BCAS3: variants seen among roughly 807,000 people sequenced by gnomAD.
BCAS3 encodes the protein BCAS3 microtubule associated cell migration factor, also known as BCAS4/BCAS3 fusion.
Under a neutral mutation model 116.1 loss-of-function variants are expected in BCAS3, and 53 were observed. The observed-to-expected ratio is 0.46, with a 90% CI of 0.37 to 0.57. The LOEUF is 0.57. Among genes scored for constraint, BCAS3 ranks in the 20% least tolerant of loss-of-function variants. The pLI, the probability that BCAS3 is intolerant of heterozygous loss-of-function variation, is 0.00. For missense variants in BCAS3, 917 were observed against 1,165.4 expected (o/e 0.79, Z 3.10); for synonymous variants, 391 against 408.2 (o/e 0.96, Z 0.51).
chr17:60,730,980 T>G (rs2040399902), intron 5 of BCAS3, among the ~76,000 whole-genome samples: 1 of 152,208 alleles, frequency 6.6e-6, no homozygotes, highest in African/African-American at 2.4e-5. Flanking sequence ...TTTTGTTGCT[T>G]CTTAACCGAA....
chr17:61,229,693 T>C lies in BCAS3; in HGVS notation c.2426-138634T>C, dbSNP rs2082557243. On this transcript the variant is annotated intron_variant, in intron 22 of 23. Transcript: ENST00000407086. This position sits in a 1 kb window ranked among gnomAD's most constrained non-coding sequence, Gnocchi z 4.4. ...ACGTTCATGAGCCACATTCTTGTGC[T>C]TCTCCATTTACATAGCTCTAATAGT... Among the ~76,000 whole-genome samples the C allele has an allele frequency of 6.6e-6, 1 of 152,234 alleles. No homozygotes were observed. Among genetic ancestry groups the C allele is most frequent in the Non-Finnish European group, 1.5e-5 (1 of 68,040 alleles).
At chr17:61,289,280 G>A (rs540782510) in intron 22 of BCAS3, among the ~76,000 whole-genome samples, 1 of 152,338 alleles carries the variant, frequency 6.6e-6, no homozygotes, top group East Asian at 1.9e-4. Context: ...GTCACTCATG[G>A]AAAGGGGTCT....
chr17:61,334,761 G>A (rs562829159), intron 22 of BCAS3, among the ~76,000 whole-genome samples: 116 of 151,750 alleles, frequency 7.6e-4, no homozygotes, highest in African/African-American at 2.4e-3. Context: ...GGGCAAAGGA[G>A]CCACGACAAA....
chr17:61,024,958 C>T (rs533415180), intron 16 of BCAS3, among the ~76,000 whole-genome samples: 138 of 152,182 alleles, frequency 9.1e-4, no homozygotes, highest in Non-Finnish European at 1.5e-3. Flanking sequence ...CGACGTAAGC[C>T]TGGACATTCC....
chr17:60,996,528 A>G (rs2063848428), intron 15 of BCAS3, among the ~76,000 whole-genome samples: 1 of 152,134 alleles, frequency 6.6e-6, no homozygotes, highest in Non-Finnish European at 1.5e-5. Flanking sequence ...TTGTGGATAA[A>G]GCAGGTTTTG....
rs2143790020 is a variant in BCAS3, at chr17:61,118,233, C to G, written c.2425+33669C>G. Reference sequence around the variant, plus strand: ...GTAGAAGCCCAGGTTCCTTACCACACTACTGTTACCACCCAATCAGGTTAC... The same window carrying G: ...GTAGAAGCCCAGGTTCCTTACCACAGTACTGTTACCACCCAATCAGGTTAC... On this transcript the variant is annotated intron_variant, in intron 22 of 23. Coordinates refer to ENST00000407086, the MANE Select transcript of BCAS3 (RefSeq NM_017679.5). The surrounding 1 kb of genome is among the most constrained non-coding windows in gnomAD (Gnocchi z 5.0). Among the ~76,000 whole-genome samples, 1 of 152,298 alleles carries G rather than the reference C, an allele frequency of 6.6e-6. No homozygotes were observed. Among genetic ancestry groups the G allele is most frequent in the Admixed American group, 6.5e-5 (1 of 15,298 alleles).
intron 19 of BCAS3, chr17:61,070,239 G>A: frequency 1.3e-6 from 2 of 1,532,362 alleles, no homozygotes; most frequent in Non-Finnish European, 1.8e-6. Flanking sequence ...ATGTGGCCAA[G>A]GTCAACACCC....
At chr17:61,022,541 G>A (rs1347279576) in intron 16 of BCAS3, among the ~76,000 whole-genome samples, 1 of 152,132 alleles carries the variant, frequency 6.6e-6, no homozygotes, top group African/African-American at 2.4e-5. Flanking sequence ...ACCGCGCCCA[G>A]CCTATACCAT....
intron 23 of BCAS3, among the ~76,000 whole-genome samples, chr17:61,372,869 G>C (rs2059119950): frequency 1.3e-5 from 2 of 151,846 alleles, no homozygotes; most frequent in East Asian, 3.9e-4. Flanking sequence ...ACAAAACATT[G>C]ACTTATTCCA....
At chr17:61,245,355 A>G (rs2144520584) in intron 22 of BCAS3, 1 of 152,270 alleles carries the variant, frequency 6.6e-6, no homozygotes, top group Middle Eastern at 3.4e-3. Context: ...GGGTGGAGAC[A>G]CAGCCAAACG....
chr17:61,146,951 A>G (rs1021730012), intron 22 of BCAS3, among the ~76,000 whole-genome samples: 1 of 151,768 alleles, frequency 6.6e-6, no homozygotes, highest in African/African-American at 2.4e-5. Flanking sequence ...GTCTTGCTCT[A>G]TTGCCCAGGC....
chr17:60,957,774 C>T (rs2145292300), intron 14 of BCAS3, among the ~76,000 whole-genome samples: 1 of 152,260 alleles, frequency 6.6e-6, no homozygotes, highest in Non-Finnish European at 1.5e-5. Context: ...TCAAGTTACT[C>T]TTCTGTAAAA....
rs552795246 is a variant in BCAS3, at chr17:61,309,289, G to A, written c.2426-59038G>A. On this transcript the variant is annotated intron_variant, in intron 22 of 23. Coordinates refer to ENST00000407086, the MANE Select transcript of BCAS3 (RefSeq NM_017679.5). This position sits in a 1 kb window ranked among gnomAD's most constrained non-coding sequence, Gnocchi z 4.6. ...GAAAAGAGACCCAGAGTCCCCTTTC[G>A]TCCTCCCCATTCATTCTAGGGTAAT... is the stretch of plus-strand genomic sequence containing the variant. Among the ~76,000 whole-genome samples, 451 of 152,170 alleles carry A rather than the reference G, an allele frequency of 3.0e-3. 2 individuals carry two copies. In the South Asian group the frequency reaches 0.031, roughly 10 times the overall value.
At chr17:60,866,537 G>T (rs1012279036) in intron 7 of BCAS3, among the ~76,000 whole-genome samples, 1 of 152,110 alleles carries the variant, frequency 6.6e-6, no homozygotes, top group African/African-American at 2.4e-5. Context: ...TTTTGGATAT[G>T]TGCTACTGAC....
chr17:60,969,659 A>G (rs2061847825), intron 14 of BCAS3, among the ~76,000 whole-genome samples: 1 of 152,228 alleles, frequency 6.6e-6, no homozygotes, highest in African/African-American at 2.4e-5. Flanking sequence ...TGAAAGACAT[A>G]CATTTACAAC....
At chr17:60,768,173 A>G (rs568400764) in intron 6 of BCAS3, among the ~76,000 whole-genome samples, 5 of 152,258 alleles carry the variant, frequency 3.3e-5, no homozygotes, top group Admixed American at 2.6e-4. Flanking sequence ...TTTGGTTGTA[A>G]ACAATATGAG....
intron 23 of BCAS3, chr17:61,384,278 G>C (rs1006443601): frequency 6.6e-6 from 1 of 152,298 alleles, no homozygotes; most frequent in Non-Finnish European, 1.5e-5. Flanking sequence ...TTTCAGCCCC[G>C]CTCCTGGAGG....
rs556495045 is a variant in BCAS3 at position 61,035,804 on chromosome 17, A to C, written c.1762+1014A>C. 1.0e-3 allele frequency among the ~76,000 whole-genome samples: 157 copies of C among 152,250 alleles called. 2 individuals carry two copies. The highest frequency in any genetic ancestry group is 3.6e-3 in the African/African-American group (151 of 41,548). ...TAACTGAGATAGGTACTATGGGACT[A>C]ATGGGTTGGTAGCGTATACAGCGTG... On this transcript the variant is annotated intron_variant, in intron 17 of 23. Transcript: ENST00000407086.
chr17:60,974,627 C>A (rs1398035469), intron 14 of BCAS3, among the ~76,000 whole-genome samples: 2 of 151,918 alleles, frequency 1.3e-5, no homozygotes, highest in Non-Finnish European at 2.9e-5. Flanking sequence ...TCTGATTAGC[C>A]AAATTTTATA....
Sources: gnomAD v4.1 joint callset for allele counts (sites outside exome capture counted in the v4.1 genomes callset) on GRCh38, gnomAD v4.1.1 for gene constraint, Gnocchi (gnomAD v3.1) non-coding constraint, MANE v1.5 for transcripts, NCBI Gene and HGNC (gene_info 2026-07-23, HGNC 2026-07-21) for gene names.